SYT5: variants seen among roughly 807,000 people sequenced by gnomAD.
SYT5 encodes the protein synaptotagmin-5.
In SYT5, 29 loss-of-function variants were observed where a neutral mutation model predicts 36.0. The ratio of observed to expected loss-of-function variants is 0.81; its 90% CI spans 0.60 to 1.10. SYT5 has a LOEUF of 1.10. Among genes scored for constraint, SYT5 ranks in the 50% least tolerant of loss-of-function variants. The pLI is 0.00. For missense variants in SYT5, 512 were observed against 516.0 expected, an observed-to-expected ratio of 0.99 and a Z score of 0.08; for synonymous variants, 231 against 227.6, an observed-to-expected ratio of 1.02 and a Z score of -0.14.
At position 55,175,382 on chromosome 19, in the gene SYT5, A is replaced by T; in HGVS notation, c.541-43T>A. On this transcript the variant is annotated intron_variant, in intron 5 of 8. Transcript: ENST00000354308. The surrounding 1 kb of genome is among the most constrained non-coding windows in gnomAD (Gnocchi z 4.5). ...TCCGCAGTAGAGAGCAGGAAGTCAG[A>T]GATAGGGTGAGGCACAGCACAACCA... 1 of 1,493,770 alleles carries T rather than the reference A, an allele frequency of 6.7e-7. No individual in the cohort carries two copies. Among genetic ancestry groups the T allele is most frequent in the Non-Finnish European group, 8.9e-7 (1 of 1,127,480 alleles). The allele number at this position is 1,493,770 out of a possible 1,614,324, so 92.5% of individuals were successfully genotyped here.
chr19:55,175,484 C>A lies in SYT5; in HGVS notation c.541-145G>T. ...ACTCAAATGGGAAAGTCCAGGGATC[C>A]ATGCGGAAAAAAATCACGGGTCAGT... is the stretch of plus-strand genomic sequence containing the variant. On this transcript the variant is annotated intron_variant, in intron 5 of 8. Coordinates refer to ENST00000354308, the MANE Select transcript of SYT5 (RefSeq NM_003180.3). This position sits in a 1 kb window ranked among gnomAD's most constrained non-coding sequence, Gnocchi z 4.5. 8.8e-7 allele frequency: 1 copy of A among 1,131,170 alleles called. No homozygotes were observed. Among genetic ancestry groups the A allele is most frequent in the Non-Finnish European group, 1.2e-6 (1 of 819,150 alleles). 70.1% of individuals were successfully genotyped at this position (1,131,170 alleles called of 1,614,324 possible).
chr19:55,179,165 G>A lies in SYT5; in HGVS notation c.-45-79C>T, dbSNP rs763811790. Reference sequence around the variant, plus strand: ...ACTCCAACTCCCATGAGGCCTTTGCGCGAACAGCCGCGCAGAAACCGGACA... The same window carrying A: ...ACTCCAACTCCCATGAGGCCTTTGCACGAACAGCCGCGCAGAAACCGGACA... On this transcript the variant is annotated intron_variant, in intron 1 of 8. Transcript: ENST00000354308. The surrounding 1 kb of genome is among the most constrained non-coding windows in gnomAD (Gnocchi z 4.5). The A allele has an allele frequency of 3.9e-6, 6 of 1,535,384 alleles. No individual in the cohort carries two copies. The highest frequency in any genetic ancestry group is 5.2e-6 in the Non-Finnish European group (6 of 1,146,036).
rs1025221137 is a variant in SYT5, at chr19:55,175,358, C to T, written c.541-19G>A. ...AGGGGACCTGGAGTGCACAGAGAAT[C>T]CGCAGTAGAGAGCAGGAAGTCAGAG... On this transcript the variant is annotated intron_variant, in intron 5 of 8. Coordinates refer to ENST00000354308, the MANE Select transcript of SYT5 (RefSeq NM_003180.3). The surrounding 1 kb of genome is among the most constrained non-coding windows in gnomAD (Gnocchi z 4.5). 2.0e-6 allele frequency: 3 copies of T among 1,515,072 alleles called. No individual in the cohort carries two copies. Among genetic ancestry groups the T allele is most frequent in the Non-Finnish European group, 2.6e-6 (3 of 1,136,230 alleles). 93.9% of individuals were successfully genotyped at this position (1,515,072 alleles called of 1,614,324 possible). A position where few individuals can be genotyped will look rare whatever the true frequency, so the allele number is the denominator to read the frequency against.
rs1041160973 is a variant in SYT5, at chr19:55,173,366, G to T, written c.*118C>A. ...GGTTCAGATGGTTGGGGTGGAAGGT[G>T]GGGGGAGGGTAACCGTCAGAGGAAG... On this transcript the variant is annotated 3_prime_UTR_variant, in exon 9 of 9. Transcript: ENST00000354308. This position sits in a 1 kb window ranked among gnomAD's most constrained non-coding sequence, Gnocchi z 5.4. 27 of 781,976 alleles carry T rather than the reference G, an allele frequency of 3.5e-5. No individual in the cohort carries two copies. The African/African-American group carries it at 3.8e-4, about 11-fold the overall frequency. 48.4% of individuals were successfully genotyped at this position (781,976 alleles called of 1,614,324 possible). A position where few individuals can be genotyped will look rare whatever the true frequency, so the allele number is the denominator to read the frequency against.
At position 55,178,252 on chromosome 19, in the gene SYT5, G is replaced by A; in HGVS notation, c.196C>T (p.Gln66Ter). Residue 66 changes from glutamine (Q) to a stop codon, truncating the protein, a stop_gained, in exon 3 of 9, where the codon CAA becomes TAA. Transcript: ENST00000354308. LOFTEE classifies it high-confidence loss of function. ...RRRTGKKSQA[Q>*]AQVHLQEVKG... The stretch of plus-strand genomic sequence containing the variant: ...ACTTCCTGAAGGTGGACCTGGGCTT[G>A]GGCCTGGCTCTTCTTGCCTGTCCGC... 1 of 1,610,126 alleles carries A rather than the reference G, an allele frequency of 6.2e-7. No homozygotes were observed. The highest frequency in any genetic ancestry group is 8.5e-7 in the Non-Finnish European group (1 of 1,178,440).
intron 2 of SYT5, 77 bp downstream of exon 2, chr19:55,178,885 AC>A: frequency 7.6e-7 from 1 of 1,323,432 alleles, no homozygotes; most frequent in South Asian, 1.8e-5. Flanking sequence ...GCCCGAGTAC[AC>A]CCGTCCGAAT....
Position 55,173,466 on chromosome 19 carries a change from G to T in SYT5, c.*18C>A, listed in dbSNP as rs1489905889. The T allele has an allele frequency of 2.2e-6, 3 of 1,347,788 alleles. No homozygotes were observed. The highest frequency in any genetic ancestry group is 3.1e-5 in the East Asian group (1 of 32,272). 83.5% of individuals were successfully genotyped at this position (1,347,788 alleles called of 1,614,324 possible). ...CAGGGGCTAGAGTCCAGGCTTGGCC[G>T]GGGGCTTGGGGTGGGAGTCAGGGCG... On this transcript the variant is annotated 3_prime_UTR_variant, in exon 9 of 9. Coordinates refer to ENST00000354308, the MANE Select transcript of SYT5 (RefSeq NM_003180.3). This position sits in a 1 kb window ranked among gnomAD's most constrained non-coding sequence, Gnocchi z 5.4.
Position 55,173,619 on chromosome 19 carries a change from C to A in SYT5, c.1026G>T (p.Arg342Ser). Residue 342 changes from arginine (R) to serine (S), a missense_variant, in exon 9 of 9, where the codon AGG (arginine) becomes AGT (serine). Physicochemically the swap from Arg to Ser is moderately radical, Grantham distance 110. Transcript: ENST00000354308. This position sits in a 1 kb window ranked among gnomAD's most constrained non-coding sequence, Gnocchi z 5.4. The part of the protein sequence containing the change: ...DKLGKNEAIG[R>S]VAVGAAAGGA... ...CGCCGGCGGCCGCCCCCACGGCCAC[C>A]CTCCCGATGGCCTCGTTCTTGCCCA... 6.7e-7 allele frequency: 1 copy of A among 1,490,384 alleles called. No individual in the cohort carries two copies. The highest frequency in any genetic ancestry group is 8.9e-7 in the Non-Finnish European group (1 of 1,120,974). The allele number at this position is 1,490,384 out of a possible 1,614,324, so 92.3% of individuals were successfully genotyped here. A position where few individuals can be genotyped will look rare whatever the true frequency, so the allele number is the denominator to read the frequency against.
rs532334271 is a variant in SYT5, at chr19:55,178,125, G to A, written c.252+71C>T. 2.6e-6 allele frequency: 4 copies of A among 1,522,170 alleles called. No homozygotes were observed. In the East Asian group the frequency reaches 9.3e-5, roughly 35 times the overall value. 94.3% of individuals were successfully genotyped at this position (1,522,170 alleles called of 1,614,324 possible). On this transcript the variant is annotated intron_variant, in intron 3 of 8. Coordinates refer to ENST00000354308, the MANE Select transcript of SYT5 (RefSeq NM_003180.3). ...ATAGGACAGAAGGGAGCAGGGACTGGGACCAGCTGGGCCATTGAGAGGAGC... is the reference window on the plus strand; with the variant it reads ...ATAGGACAGAAGGGAGCAGGGACTGAGACCAGCTGGGCCATTGAGAGGAGC...
intron 8 of SYT5, 136 bp downstream of exon 8, chr19:55,174,381 A>G: frequency 8.1e-7 from 1 of 1,228,032 alleles, no homozygotes; most frequent in Non-Finnish European, 1.1e-6. Context: ...TGGTCCTCAT[A>G]GGAGGAAACA....
chr19:55,173,067 C>T lies in SYT5; in HGVS notation c.*417G>A, dbSNP rs1181760372. The T allele has an allele frequency of 5.9e-6, 1 of 168,440 alleles. No homozygotes were observed. The highest frequency in any genetic ancestry group is 1.3e-5 in the Non-Finnish European group (1 of 79,090). The allele number at this position is 168,440 out of a possible 1,614,324, so 10.4% of individuals were successfully genotyped here. A position where few individuals can be genotyped will look rare whatever the true frequency, so the allele number is the denominator to read the frequency against. On this transcript the variant is annotated 3_prime_UTR_variant, in exon 9 of 9. Transcript: ENST00000354308. The surrounding 1 kb of genome is among the most constrained non-coding windows in gnomAD (Gnocchi z 5.4). ...TTCCTCTTGGGTCCCAGCCCTTGCC[C>T]ACCCCCATCAAGGAGCATGGGCCCA...
rs1041160973 is a variant in SYT5 at position 55,173,366 on chromosome 19, G to C, written c.*118C>G. 1.2e-5 allele frequency: 9 copies of C among 781,980 alleles called. No individual in the cohort carries two copies. The highest frequency in any genetic ancestry group is 1.1e-4 in the African/African-American group (6 of 55,142). 48.4% of individuals were successfully genotyped at this position (781,980 alleles called of 1,614,324 possible). A position where few individuals can be genotyped will look rare whatever the true frequency, so the allele number is the denominator to read the frequency against. ...GGTTCAGATGGTTGGGGTGGAAGGT[G>C]GGGGGAGGGTAACCGTCAGAGGAAG... is the stretch of plus-strand genomic sequence containing the variant. On this transcript the variant is annotated 3_prime_UTR_variant, in exon 9 of 9. Coordinates refer to ENST00000354308, the MANE Select transcript of SYT5 (RefSeq NM_003180.3). The surrounding 1 kb of genome is among the most constrained non-coding windows in gnomAD (Gnocchi z 5.4).
chr19:55,174,791 C>T, intron 7 of SYT5, 91 bp downstream of exon 7: 1 of 1,569,498 alleles, frequency 6.4e-7, no homozygotes, highest in Non-Finnish European at 8.7e-7. Flanking sequence ...CCTCCCTGTC[C>T]CCGAAGAAAC....
In SYT5 at chr19:55,178,999, T is replaced by A. The variant is rs1294262569; in HGVS notation, c.43A>T (p.Thr15Ser). The A allele has an allele frequency of 1.9e-6, 3 of 1,593,218 alleles. No homozygotes were observed. The highest frequency in any genetic ancestry group is 1.7e-5 in the Admixed American group (1 of 57,168). ...CTGATGCGACTGGAGTCGGGAGGCG[T>A]GTCGGGCGATGGAGGCCCCGGGGTT... ...PPTPGPPSPD[T>S]PPDSSRISHG... Residue 15 changes from threonine to serine, a missense_variant, in exon 2 of 9, where the codon ACG becomes TCG. Coordinates refer to ENST00000354308, the MANE Select transcript of SYT5 (RefSeq NM_003180.3).
chr19:55,172,177 T>C lies in SYT5; in HGVS notation c.*1307A>G, dbSNP rs1300845133. 4 of 151,568 alleles carry C rather than the reference T, an allele frequency of 2.6e-5. No homozygotes were observed. The highest frequency in any genetic ancestry group is 1.9e-4 in the East Asian group (1 of 5,186). The allele number at this position is 151,568 out of a possible 1,614,324, so 9.4% of individuals were successfully genotyped here. ...GGCTCACGCCTGTAATCCTAGCACA[T>C]TGGGAGGCCGAGGCGGGCGGATCAC... On this transcript the variant is annotated 3_prime_UTR_variant, in exon 9 of 9. Transcript: ENST00000354308.
Position 55,175,175 on chromosome 19 carries a change from C to T in SYT5, c.705G>A (p.Glu235=), listed in dbSNP as rs373514739. The change falls in exon 6 of 9, where the codon GAG becomes GAA. Residue 235 remains glutamate (E), a synonymous_variant. Coordinates refer to ENST00000354308, the MANE Select transcript of SYT5 (RefSeq NM_003180.3). This position sits in a 1 kb window ranked among gnomAD's most constrained non-coding sequence, Gnocchi z 4.5. ...AWRELQAAPR[E]EQEKLGDICF... ...GGGCGCGACCGCGCATGCTCACCTCCTCCCGCGGAGCCGCCTGCAGCTCCC... is the reference window on the plus strand; with the variant it reads ...GGGCGCGACCGCGCATGCTCACCTCTTCCCGCGGAGCCGCCTGCAGCTCCC... 3.5e-5 allele frequency: 56 copies of T among 1,597,504 alleles called. 1 individual carries two copies. The highest frequency in any genetic ancestry group is 4.6e-5 in the East Asian group (2 of 43,886).
intron 3 of SYT5, among the ~76,000 whole-genome samples, chr19:55,176,548 T>G (rs1007748096): frequency 6.6e-6 from 1 of 152,198 alleles, no homozygotes; most frequent in Non-Finnish European, 1.5e-5. Context: ...TACTTGCCAT[T>G]CTAAAGTTGA....
Position 55,175,462 on chromosome 19 carries a change from C to G in SYT5, c.541-123G>C. On this transcript the variant is annotated intron_variant, in intron 5 of 8. Coordinates refer to ENST00000354308, the MANE Select transcript of SYT5 (RefSeq NM_003180.3). This position sits in a 1 kb window ranked among gnomAD's most constrained non-coding sequence, Gnocchi z 4.5. Reference sequence around the variant, plus strand: ...GTCGAAGCGAACAGTTGGGGGAACTCAAATGGGAAAGTCCAGGGATCCATG... The same window carrying G: ...GTCGAAGCGAACAGTTGGGGGAACTGAAATGGGAAAGTCCAGGGATCCATG... 1 of 1,198,360 alleles carries G rather than the reference C, an allele frequency of 8.3e-7. No individual in the cohort carries two copies. The highest frequency in any genetic ancestry group is 1.1e-6 in the Non-Finnish European group (1 of 880,008). The allele number at this position is 1,198,360 out of a possible 1,614,324, so 74.2% of individuals were successfully genotyped here.
rs1342996912 is a variant in SYT5, at chr19:55,176,137, G to A, written c.253-13C>T. The A allele has an allele frequency of 6.2e-7, 1 of 1,613,924 alleles. No individual in the cohort carries two copies. The highest frequency in any genetic ancestry group is 2.2e-5 in the East Asian group (1 of 44,874). On this transcript the variant is annotated splice_polypyrimidine_tract_variant and intron_variant, in intron 3 of 8. Transcript: ENST00000354308. Reference sequence around the variant, plus strand: ...CTTCTGGCTGCACCTTAAGGAGCCAGGGGTAAGGGTGGGTGAAGTCTTCCC... The same window carrying A: ...CTTCTGGCTGCACCTTAAGGAGCCAAGGGTAAGGGTGGGTGAAGTCTTCCC...
Sources: allele counts gnomAD v4.1 joint callset (sites outside exome capture counted in the v4.1 genomes callset), GRCh38; gene constraint gnomAD v4.1.1; non-coding constraint Gnocchi (gnomAD v3.1); transcripts MANE v1.5; gene names NCBI Gene and HGNC (gene_info 2026-07-23, HGNC 2026-07-21).